The following SLC5A1 variants were observed in gnomAD, a reference collection of about 807,000 sequenced individuals.
SLC5A1 encodes the protein solute carrier family 5 member 1.
A neutral mutation model predicts 73.5 loss-of-function variants in SLC5A1; 42 were observed. The observed-to-expected ratio is 0.57, with a 90% CI of 0.45 to 0.74. The LOEUF is 0.74. Ranked by LOEUF, SLC5A1 falls within the 30% of genes least tolerant of loss-of-function variation. The pLI, the probability that SLC5A1 is intolerant of heterozygous loss-of-function variation, is 0.00. For synonymous variants in SLC5A1, 300 were observed against 317.4 expected (o/e 0.95, Z 0.58); for missense variants, 634 against 855.4 (o/e 0.74, Z 3.23).
At chr22:32,102,450 AG>A (rs2094038305) in intron 13 of SLC5A1, among the ~76,000 whole-genome samples, 1 of 152,056 alleles carries the variant, frequency 6.6e-6, no homozygotes, top group South Asian at 2.1e-4. Context: ...TCTTTGTGTT[AG>A]GAACATTCCA....
At chr22:32,060,168 CACACACACACACACACACAT>C (rs1208446825) in intron 2 of SLC5A1, among the ~76,000 whole-genome samples, 5 of 137,634 alleles carry the variant, frequency 3.6e-5, no homozygotes, top group Non-Finnish European at 7.9e-5. Context: ...CACACACACA[CACACACACACACACACACAT>C]ATATATATAT....
chr22:32,049,167 ATATCTATATCTATATCTATATCTAT>A (rs2093941598), intron 1 of SLC5A1, among the ~76,000 whole-genome samples: 1 of 2,778 alleles, frequency 3.6e-4, no homozygotes, highest in Admixed American at 5.4e-3. Flanking sequence ...TATATAATCT[ATATCTATATCTATATCTATATCTAT>A]ATCTATATCT....
intron 5 of SLC5A1, among the ~76,000 whole-genome samples, chr22:32,078,596 C>A (rs918686557): frequency 6.6e-6 from 1 of 152,128 alleles, no homozygotes; most frequent in Non-Finnish European, 1.5e-5. Context: ...ACCCCCCACA[C>A]ATACATTATT....
At position 32,112,966 on chromosome 22, in the gene SLC5A1, T is replaced by C. The variant is rs995325605; in HGVS notation, c.*2753T>C. ...TATGTACATATATAAAAATATGTTG[T>C]ATGCCATGAGTATATATAATTATTA... On this transcript the variant is annotated 3_prime_UTR_variant, in exon 15 of 15. Transcript: ENST00000266088. The C allele has an allele frequency of 6.6e-6, 1 of 152,228 alleles. No homozygotes were observed. Among genetic ancestry groups the C allele is most frequent in the African/African-American group, 2.4e-5 (1 of 41,446 alleles). 9.4% of individuals were successfully genotyped at this position (152,228 alleles called of 1,614,324 possible). A position where few individuals can be genotyped will look rare whatever the true frequency, so the allele number is the denominator to read the frequency against.
chr22:32,104,513 G>C (rs1404389389), intron 13 of SLC5A1, among the ~76,000 whole-genome samples: 1 of 152,168 alleles, frequency 6.6e-6, no homozygotes. Flanking sequence ...ACGTAAAAGA[G>C]TTCATTCAAC....
intron 14 of SLC5A1, among the ~76,000 whole-genome samples, chr22:32,109,573 A>G (rs1195454640): frequency 6.6e-6 from 1 of 152,224 alleles, no homozygotes; most frequent in East Asian, 1.9e-4. Context: ...CATGCCAGCC[A>G]GACTGCTTTC....
chr22:32,058,541 G>C (rs1396055765), intron 2 of SLC5A1, among the ~76,000 whole-genome samples: 1 of 152,020 alleles, frequency 6.6e-6, no homozygotes, highest in East Asian at 1.9e-4. Context: ...TTAAAACCGA[G>C]TCCTAAAAAT....
chr22:32,099,137 T>C, intron 11 of SLC5A1, 46 bp from the exon 12 acceptor site: 1 of 812,694 alleles, frequency 1.2e-6, no homozygotes. Context: ...TATATACTCA[T>C]GTAGAGCTAT....
At chr22:32,085,512 T>C (rs2094006647) in intron 9 of SLC5A1, among the ~76,000 whole-genome samples, 5 of 151,928 alleles carry the variant, frequency 3.3e-5, no homozygotes. Context: ...TGGAGTTGTC[T>C]TCCCTGGTTT....
intron 12 of SLC5A1, among the ~76,000 whole-genome samples, 190 bp from the exon 13 acceptor site, chr22:32,101,829 TGAG>T (rs2094036833): frequency 6.6e-6 from 1 of 152,158 alleles, no homozygotes; most frequent in Non-Finnish European, 1.5e-5. Context: ...ACAGACACAC[TGAG>T]TGTGTCTGTC....
rs1372522750 is a variant in SLC5A1, at chr22:32,104,780, C to T, written c.1666-6C>T. On this transcript the variant is annotated splice_polypyrimidine_tract_variant and splice_region_variant and intron_variant, in intron 13 of 14. Coordinates refer to ENST00000266088, the MANE Select transcript of SLC5A1 (RefSeq NM_000343.4). ...TTTCTGTTGACCTGTTCTGCCTTCT[C>T]TGCAGCTCTACCGTCTGTGTTGGAG... The T allele has an allele frequency of 1.1e-5, 18 of 1,613,008 alleles. No homozygotes were observed. The highest frequency in any genetic ancestry group is 1.5e-5 in the Non-Finnish European group (18 of 1,179,062).
intron 13 of SLC5A1, 112 bp from the exon 14 acceptor site, chr22:32,104,674 T>G (rs530286500): frequency 2.6e-6 from 2 of 757,746 alleles, no homozygotes; most frequent in Non-Finnish European, 4.7e-6. Flanking sequence ...TTCCTGGTAC[T>G]GAGATGCCAC....
At chr22:32,107,549 G>T (rs1401843998) in intron 14 of SLC5A1, among the ~76,000 whole-genome samples, 3 of 152,162 alleles carry the variant, frequency 2.0e-5, no homozygotes, top group Non-Finnish European at 4.4e-5. Context: ...TGCCTCTTAT[G>T]CTCTGCTGTA....
At chr22:32,096,423 C>T (rs150070269) in intron 11 of SLC5A1, among the ~76,000 whole-genome samples, 1,800 of 152,252 alleles carry the variant, frequency 0.012, 52 homozygotes, top group African/African-American at 0.041. Flanking sequence ...CCCACACTGT[C>T]CTCCTCAGCC....
chr22:32,049,302 T>G (rs2093942091), intron 1 of SLC5A1, among the ~76,000 whole-genome samples: 1 of 148,734 alleles, frequency 6.7e-6, no homozygotes, highest in Admixed American at 6.7e-5. Flanking sequence ...GGTCTTTTAT[T>G]TAATATTTAG....
rs200476382 is a variant in SLC5A1 at position 32,049,099 on chromosome 22, T to A, written c.136-844T>A. The stretch of plus-strand genomic sequence containing the variant: ...AAATAAATAAATAAATAAATATATA[T>A]ATATATATATATAATCATTATATAT... On this transcript the variant is annotated intron_variant, in intron 1 of 14. Coordinates refer to ENST00000266088, the MANE Select transcript of SLC5A1 (RefSeq NM_000343.4). Among the ~76,000 whole-genome samples the A allele has an allele frequency of 6.8e-3, 668 of 98,432 alleles. 27 individuals are homozygous for A. Among genetic ancestry groups the A allele is most frequent in the Admixed American group, 0.011 (96 of 8,476 alleles). 64.6% of individuals were successfully genotyped at this position (98,432 alleles called of 152,430 possible). A position where few individuals can be genotyped will look rare whatever the true frequency, so the allele number is the denominator to read the frequency against.
At chr22:32,077,036 TGA>T (rs1265275145) in intron 5 of SLC5A1, among the ~76,000 whole-genome samples, 2 of 152,344 alleles carry the variant, frequency 1.3e-5, no homozygotes, top group East Asian at 3.9e-4. Flanking sequence ...CAACAGAGTG[TGA>T]CAGAGACAGT....
chr22:32,082,441 G>A (rs1348305525), intron 6 of SLC5A1, among the ~76,000 whole-genome samples: 1 of 152,170 alleles, frequency 6.6e-6, no homozygotes, highest in African/African-American at 2.4e-5. Flanking sequence ...CAGTATACTG[G>A]GGTTTGGAAA....
intron 2 of SLC5A1, chr22:32,059,108 A>G (rs2093956322): frequency 1.0e-6 from 1 of 985,358 alleles, no homozygotes; most frequent in South Asian, 4.7e-5. Context: ...TGGATTGCAG[A>G]GAGCCTGGAG....
Sources: allele counts gnomAD v4.1 joint callset (sites outside exome capture counted in the v4.1 genomes callset), GRCh38; gene constraint gnomAD v4.1.1; transcripts MANE v1.5; gene names NCBI Gene and HGNC (gene_info 2026-07-23, HGNC 2026-07-21).